WNK2: variants seen among roughly 807,000 people sequenced by gnomAD.
The protein encoded by WNK2 is serine/threonine-protein kinase WNK2.
A neutral mutation model predicts 192.1 loss-of-function variants in WNK2; 67 were observed. The observed-to-expected ratio is 0.35, with a 90% CI of 0.29 to 0.43. The LOEUF is 0.43. Among genes scored for constraint, WNK2 ranks in the 20% least tolerant of loss-of-function variants. The probability of loss-of-function intolerance (pLI) is 1.00; values close to 1 mark genes in which losing one functional copy is unlikely to be tolerated. For synonymous variants in WNK2, 1,439 were observed against 1,393.9 expected, an observed-to-expected ratio of 1.03 and a Z score of -0.72; for missense variants, 2,698 against 3,089.7, an observed-to-expected ratio of 0.87 and a Z score of 3.01.
intron 2 of WNK2, among the ~76,000 whole-genome samples, chr9:93,211,525 T>TTCAC (rs994938408): frequency 7.5e-6 from 1 of 132,676 alleles, no homozygotes. Context: ...CACTCATACA[T>TTCAC]TCACTCACTC....
intron 14 of WNK2, 32 bp downstream of exon 14, chr9:93,262,751 G>C: frequency 6.2e-7 from 1 of 1,609,158 alleles, no homozygotes. Context: ...CTCGCAGGAC[G>C]GGTGTAGGGG....
intron 24 of WNK2, 34 bp downstream of exon 24, chr9:93,298,101 G>A (rs745909446): frequency 1.0e-4 from 158 of 1,543,842 alleles, no homozygotes; most frequent in Non-Finnish European, 1.2e-4. Flanking sequence ...GGATGGGAGC[G>A]GGGCTGGGGA....
Position 93,262,075 on chromosome 9 carries a change from A to C in WNK2, c.3328A>C (p.Thr1110Pro). 6.2e-7 allele frequency: 1 copy of C among 1,607,696 alleles called. No individual in the cohort carries two copies. Among genetic ancestry groups the C allele is most frequent in the South Asian group, 1.1e-5 (1 of 90,718 alleles). The change falls in exon 13 of 30, where the codon ACT becomes CCT. Residue 1110 changes from threonine (T) to proline (P), a missense_variant. Physicochemically the swap from Thr to Pro is conservative, Grantham distance 38. This residue lies in a region of WNK2 where 893 missense variants were observed against 909.0 expected (regional missense o/e 0.98). Transcript: ENST00000427277. ...GGPGIASPCPTVQLTVEPVQE... is the reference protein window; with the variant it reads ...GGPGIASPCPPVQLTVEPVQE... ...GCCCGGGATCGCCAGCCCTTGCCCA[A>C]CTGTCCAGCTGACGGTGGAACCAGT... is the stretch of plus-strand genomic sequence containing the variant.
Position 93,184,201 on chromosome 9 carries a change from G to T in WNK2, c.-187G>T, listed in dbSNP as rs1201368724. 6.7e-6 allele frequency among the ~76,000 whole-genome samples: 1 copy of T among 150,004 alleles called. No homozygotes were observed. Among genetic ancestry groups the T allele is most frequent in the East Asian group, 2.0e-4 (1 of 5,108 alleles). On this transcript the variant is annotated 5_prime_UTR_variant, in exon 1 of 30. Transcript: ENST00000427277. ...AGCCGCGCGAAGCCGGCAGGAGCAC[G>T]CGGGAGCGCGGCCCCGCAGTGGCCC...
intron 28 of WNK2, among the ~76,000 whole-genome samples, chr9:93,313,084 G>A (rs1424418338): frequency 6.6e-6 from 1 of 152,086 alleles, no homozygotes; most frequent in Non-Finnish European, 1.5e-5. Flanking sequence ...TCCTCATTGT[G>A]TTCCTCTGTG....
At position 93,185,118 on chromosome 9, in the gene WNK2, G is replaced by C; in HGVS notation, c.189G>C (p.Pro63=). The C allele has an allele frequency of 7.6e-7, 1 of 1,308,990 alleles. No individual in the cohort carries two copies. Among genetic ancestry groups the C allele is most frequent in the Non-Finnish European group, 9.8e-7 (1 of 1,023,750 alleles). The allele number at this position is 1,308,990 out of a possible 1,614,324, so 81.1% of individuals were successfully genotyped here. Residue 63 remains proline (P), a synonymous_variant, in exon 2 of 30, where the codon CCG becomes CCC. Transcript: ENST00000427277. ...EPPGLEAAEA[P]GPQPPQPLQR... is the part of the protein sequence containing the mutation. ...CGGGCTTGGAGGCAGCCGAGGCGCC[G>C]GGCCCGCAGCCCCCGCAGCCCCTGC...
chr9:93,209,633 C>T (rs1176352554), intron 2 of WNK2, among the ~76,000 whole-genome samples: 7 of 152,168 alleles, frequency 4.6e-5, no homozygotes, highest in Non-Finnish European at 8.8e-5. Context: ...GGGCAGCTCC[C>T]AGGGCTGTGC....
At position 93,184,171 on chromosome 9, in the gene WNK2, A is replaced by AGCGGAGCCGC. The variant is rs1234528647; in HGVS notation, c.-213_-204dup. 2.7e-5 allele frequency among the ~76,000 whole-genome samples: 4 copies of AGCGGAGCCGC among 149,026 alleles called. No individual in the cohort carries two copies. The highest frequency in any genetic ancestry group is 3.3e-3 in the Middle Eastern group (1 of 306). On this transcript the variant is annotated 5_prime_UTR_variant, in exon 1 of 30. Transcript: ENST00000427277. ...CGCGCCGGGTCGGAGCCGGTGCGGGAGCGGAGCCGCGCGAAGCCGGCAGGA... is the reference window on the plus strand; with the variant it reads ...CGCGCCGGGTCGGAGCCGGTGCGGGAGCGGAGCCGCGCGGAGCCGCGCGAAGCCGGCAGGA...
intron 2 of WNK2, among the ~76,000 whole-genome samples, chr9:93,222,732 G>A (rs549117594): frequency 9.9e-5 from 15 of 152,264 alleles, no homozygotes; most frequent in Admixed American, 8.5e-4. Context: ...GCCTAGGCTG[G>A]AGTGCAATGG....
At chr9:93,263,776 GCAT>G (rs1564122457) in intron 15 of WNK2, 42 bp downstream of exon 15, 7 of 566,232 alleles carry the variant, frequency 1.2e-5, no homozygotes, top group East Asian at 4.9e-5. Context: ...GGGGGTGGGG[GCAT>G]GGTGGGGGTG....
chr9:93,307,512 AT>A (rs1206736374), intron 27 of WNK2: 3 of 152,240 alleles, frequency 2.0e-5, no homozygotes, highest in African/African-American at 7.2e-5. Context: ...ATGATTTAAA[AT>A]TTTTAAAGTC....
Position 93,230,927 on chromosome 9 carries a change from C to T in WNK2, c.894C>T (p.Leu298=), listed in dbSNP as rs750696307. ...TCAAGGTGATGAAGCCCAAGGTTCTCCGCAGCTGGTGCCGGCAGATCCTGA... is the reference window on the plus strand; with the variant it reads ...TCAAGGTGATGAAGCCCAAGGTTCTTCGCAGCTGGTGCCGGCAGATCCTGA... ...KRFKVMKPKV[L]RSWCRQILKG... Residue 298 remains leucine (L), a synonymous_variant, in exon 4 of 30, where the codon CTC becomes CTT. Coordinates refer to ENST00000427277, the MANE Select transcript of WNK2 (RefSeq NM_006648.4). 7.6e-5 allele frequency: 123 copies of T among 1,613,738 alleles called. 1 individual carries two copies. Among genetic ancestry groups the T allele is most frequent in the Non-Finnish European group, 9.2e-5 (109 of 1,179,902 alleles).
chr9:93,256,148 C>A, intron 9 of WNK2, 151 bp from the exon 10 acceptor site: 3 of 971,876 alleles, frequency 3.1e-6, no homozygotes, highest in Non-Finnish European at 4.2e-6. Context: ...ATGCCCAGGG[C>A]TCCCTCACTG....
At chr9:93,223,383 G>A (rs1300377248) in intron 2 of WNK2, among the ~76,000 whole-genome samples, 1 of 152,246 alleles carries the variant, frequency 6.6e-6, no homozygotes, top group Non-Finnish European at 1.5e-5. Flanking sequence ...TGCCTTAGGT[G>A]GGGTGGGGAA....
intron 2 of WNK2, among the ~76,000 whole-genome samples, chr9:93,202,322 GCA>G (rs1832528308): frequency 6.9e-6 from 1 of 145,562 alleles, no homozygotes; most frequent in South Asian, 2.2e-4. Context: ...GGCTCCGTGT[GCA>G]CGTGTGTGTG....
At chr9:93,312,490 T>G (rs1853841464) in intron 28 of WNK2, among the ~76,000 whole-genome samples, 1 of 152,120 alleles carries the variant, frequency 6.6e-6, no homozygotes, top group South Asian at 2.1e-4. Flanking sequence ...TTCTCCTGCC[T>G]CAGCCTCCCA....
intron 2 of WNK2, among the ~76,000 whole-genome samples, chr9:93,209,077 T>C (rs1261694514): frequency 6.6e-6 from 1 of 152,084 alleles, no homozygotes; most frequent in African/African-American, 2.4e-5. Flanking sequence ...TTGAAGACCC[T>C]TGGGAATAGC....
At chr9:93,217,629 C>T (rs946606823) in intron 2 of WNK2, among the ~76,000 whole-genome samples, 1 of 152,352 alleles carries the variant, frequency 6.6e-6, no homozygotes, top group African/African-American at 2.4e-5. Context: ...CTGCTTTACC[C>T]TTCCATGGTC....
intron 4 of WNK2, 139 bp downstream of exon 4, chr9:93,231,247 C>T: frequency 1.2e-6 from 1 of 835,208 alleles, no homozygotes; most frequent in Non-Finnish European, 1.9e-6. Flanking sequence ...GAGCCTCGGG[C>T]CAGGGTGTCT....
Sources: gnomAD v4.1 joint callset for allele counts (sites outside exome capture counted in the v4.1 genomes callset) on GRCh38, gnomAD v4.1.1 for gene constraint, gnomAD v4.1.1 regional missense constraint, MANE v1.5 for transcripts, NCBI Gene and HGNC (gene_info 2026-07-23, HGNC 2026-07-21) for gene names.